FGGY: variants seen among roughly 807,000 people sequenced by gnomAD.
FGGY encodes the protein FGGY carbohydrate kinase domain-containing protein.
A neutral mutation model predicts 71.3 loss-of-function variants in FGGY; 72 were observed. The observed-to-expected ratio is 1.01, with a 90% CI of 0.84 to 1.23. The LOEUF (loss-of-function observed/expected upper bound fraction) is 1.23. Ranked by LOEUF, FGGY falls within the 50% of genes most tolerant of loss-of-function variation. FGGY has a pLI of 0.00. For missense variants in FGGY, 668 were observed against 682.3 expected, an observed-to-expected ratio of 0.98 and a Z score of 0.23; for synonymous variants, 251 against 250.3, an observed-to-expected ratio of 1.00 and a Z score of -0.02.
intron 8 of FGGY, among the ~76,000 whole-genome samples, chr1:59,601,567 T>C (rs2096578602): frequency 6.6e-6 from 1 of 152,204 alleles, no homozygotes; most frequent in Admixed American, 6.5e-5. Context: ...AGCTATAATA[T>C]GGGCTGACTG....
intron 7 of FGGY, 104 bp downstream of exon 7, chr1:59,512,543 T>C: frequency 7.8e-7 from 1 of 1,276,368 alleles, no homozygotes; most frequent in Non-Finnish European, 1.0e-6. Context: ...GTCAAGGACT[T>C]TGGTGTTTCA....
intron 7 of FGGY, among the ~76,000 whole-genome samples, chr1:59,519,178 C>T (rs950942725): frequency 6.6e-6 from 1 of 152,210 alleles, no homozygotes; most frequent in African/African-American, 2.4e-5. Flanking sequence ...GCACACTTAT[C>T]ACTGTGTTAT....
rs534918198 is a variant in FGGY, at chr1:59,372,470, T to C, written c.466-6279T>C. Among the ~76,000 whole-genome samples the C allele has an allele frequency of 2.6e-5, 4 of 152,336 alleles. No individual in the cohort carries two copies. The East Asian group carries it at 7.7e-4, about 29-fold the overall frequency. On this transcript the variant is annotated intron_variant, in intron 4 of 15. Coordinates refer to ENST00000303721, the MANE Select transcript of FGGY (RefSeq NM_018291.5). ...ACCAGATGGATTCACAGCCGAATTC[T>C]ACCAGAGGTACAAGGAGGAGCTGGT...
intron 8 of FGGY, among the ~76,000 whole-genome samples, chr1:59,587,936 A>T (rs182345940): frequency 1.5e-4 from 23 of 152,374 alleles, no homozygotes; most frequent in African/African-American, 5.0e-4. Flanking sequence ...AATGGAACAA[A>T]GCTGGACAGA....
At chr1:59,641,255 A>G in intron 11 of FGGY, 1 of 1,596,186 alleles carries the variant, frequency 6.3e-7, no homozygotes, top group South Asian at 1.1e-5. Context: ...ATAATAAAAA[A>G]AGAAAATTTT....
chr1:59,341,641 C>T (rs2050723390), intron 3 of FGGY, among the ~76,000 whole-genome samples: 1 of 152,164 alleles, frequency 6.6e-6, no homozygotes, highest in Non-Finnish European at 1.5e-5. Flanking sequence ...TGTTCATTGG[C>T]TCAGTTGGCA....
intron 14 of FGGY, among the ~76,000 whole-genome samples, chr1:59,696,685 C>T (rs1452549766): frequency 6.6e-6 from 1 of 152,118 alleles, no homozygotes; most frequent in Non-Finnish European, 1.5e-5. Flanking sequence ...CTGTCTAGCC[C>T]CCAGGAAAAG....
intron 14 of FGGY, among the ~76,000 whole-genome samples, chr1:59,724,018 C>A (rs1456538024): frequency 6.6e-6 from 1 of 151,388 alleles, no homozygotes; most frequent in East Asian, 2.0e-4. Flanking sequence ...CAAAAATTAG[C>A]CAGGCATGGT....
At chr1:59,545,428 A>G (rs1341095315) in intron 7 of FGGY, among the ~76,000 whole-genome samples, 2 of 152,132 alleles carry the variant, frequency 1.3e-5, no homozygotes, top group African/African-American at 2.4e-5. Flanking sequence ...TTAGATTTCA[A>G]CCTGATACTT....
intron 1 of FGGY, among the ~76,000 whole-genome samples, chr1:59,300,551 CTAAGA>C (rs1351879558): frequency 4.6e-5 from 7 of 152,110 alleles, no homozygotes; most frequent in Non-Finnish European, 1.0e-4. Flanking sequence ...TGTGTTTTAT[CTAAGA>C]TATCTTTGCT....
intron 2 of FGGY, among the ~76,000 whole-genome samples, chr1:59,327,544 G>A (rs1168253187): frequency 6.6e-6 from 1 of 152,090 alleles, no homozygotes; most frequent in African/African-American, 2.4e-5. Flanking sequence ...CATTCATGAG[G>A]GTTGGAATTA....
chr1:59,395,022 C>T (rs1178112835), intron 5 of FGGY, among the ~76,000 whole-genome samples: 1 of 152,004 alleles, frequency 6.6e-6, no homozygotes, highest in African/African-American at 2.4e-5. Flanking sequence ...CGAGACCCAA[C>T]TTAAATATTA....
intron 4 of FGGY, among the ~76,000 whole-genome samples, chr1:59,362,200 C>CCTCTT (rs10632259): frequency 0.26 from 39,059 of 151,630 alleles, 5,138 homozygotes; most frequent in East Asian, 0.4. Context: ...TCTTCTTTCT[C>CCTCTT]CTATTTAATT....
intron 4 of FGGY, among the ~76,000 whole-genome samples, chr1:59,362,996 A>G (rs1488725350): frequency 2.0e-5 from 3 of 152,218 alleles, no homozygotes; most frequent in Admixed American, 2.0e-4. Flanking sequence ...CTGGGGAGAT[A>G]GATGAATGAA....
At chr1:59,640,182 A>C (rs1411419300) in intron 11 of FGGY, among the ~76,000 whole-genome samples, 1 of 152,206 alleles carries the variant, frequency 6.6e-6, no homozygotes, top group Non-Finnish European at 1.5e-5. Flanking sequence ...TCCTTGGGTT[A>C]GGCTGCAATG....
chr1:59,750,623 T>C (rs2098237300), intron 14 of FGGY, among the ~76,000 whole-genome samples: 1 of 152,206 alleles, frequency 6.6e-6, no homozygotes, highest in African/African-American at 2.4e-5. Flanking sequence ...TGCTTCTCAA[T>C]TGATATTTTT....
intron 6 of FGGY, among the ~76,000 whole-genome samples, chr1:59,471,612 A>C (rs1038856313): frequency 6.6e-6 from 1 of 152,154 alleles, no homozygotes; most frequent in Non-Finnish European, 1.5e-5. Flanking sequence ...TTTCTGCCTG[A>C]TAAAGAATGA....
chr1:59,573,172 A>G (rs2153736782), intron 8 of FGGY, among the ~76,000 whole-genome samples: 1 of 152,296 alleles, frequency 6.6e-6, no homozygotes, highest in South Asian at 2.1e-4. Context: ...TCTGAAGGAC[A>G]TGTGTGATGC....
chr1:59,436,603 G>A (rs1286072644), intron 5 of FGGY, among the ~76,000 whole-genome samples: 2 of 152,198 alleles, frequency 1.3e-5, no homozygotes, highest in Non-Finnish European at 2.9e-5. Context: ...ATTGCTGGAT[G>A]AATGAATGAG....
Sources: gnomAD v4.1 joint callset for allele counts (sites outside exome capture counted in the v4.1 genomes callset) on GRCh38, gnomAD v4.1.1 for gene constraint, MANE v1.5 for transcripts, NCBI Gene and HGNC (gene_info 2026-07-23, HGNC 2026-07-21) for gene names.